PLBD1: variants seen among roughly 807,000 people sequenced by gnomAD.
The protein encoded by PLBD1 is phospholipase B domain containing 1, also known as lysosomal leucine aminopeptidase.
PLBD1 carries 60 observed loss-of-function variants against 63.0 expected under a neutral mutation model. The observed-to-expected ratio is 0.95, with a 90% CI of 0.77 to 1.18. PLBD1 has a LOEUF of 1.18. Among genes scored for constraint, PLBD1 ranks in the 50% most tolerant of loss-of-function variants. The pLI, the probability that PLBD1 is intolerant of heterozygous loss-of-function variation, is 0.00. For missense variants in PLBD1, 598 were observed against 677.9 expected, an observed-to-expected ratio of 0.88 and a Z score of 1.31; for synonymous variants, 262 against 248.0, an observed-to-expected ratio of 1.06 and a Z score of -0.53.
At chr12:14,527,542 G>GA (rs1007918011) in intron 6 of PLBD1, among the ~76,000 whole-genome samples, 4 of 151,334 alleles carry the variant, frequency 2.6e-5, no homozygotes, top group African/African-American at 4.9e-5. Context: ...TTTGTAAGGT[G>GA]AAAAAAAACA....
rs758039152 is a variant in PLBD1, at chr12:14,553,406, T to C, written c.122A>G (p.Tyr41Cys). The C allele has an allele frequency of 6.8e-6, 11 of 1,613,038 alleles. No individual in the cohort carries two copies. In the African/African-American group the frequency reaches 1.1e-4, roughly 16 times the overall value. ...AGGCATCCAGTATGCAGTTGCATAG[T>C]AGACTCCTAGAAGAAAAGGGAATAA... ...TAEPPKPAGV[Y>C]YATAYWMPAE... Residue 41 changes from tyrosine (Y) to cysteine (C), a missense_variant, in exon 2 of 11, where the codon TAC (tyrosine) becomes TGC (cysteine). Transcript: ENST00000240617.
At chr12:14,551,830 A>T (rs1426078444) in intron 2 of PLBD1, among the ~76,000 whole-genome samples, 1 of 152,188 alleles carries the variant, frequency 6.6e-6, no homozygotes. Flanking sequence ...CACAATCAGA[A>T]TTCAGTGCGA....
At chr12:14,558,029 A>G (rs1015990374) in intron 1 of PLBD1, among the ~76,000 whole-genome samples, 1 of 140,552 alleles carries the variant, frequency 7.1e-6, no homozygotes, top group African/African-American at 2.7e-5. Flanking sequence ...GTACATATAC[A>G]CAATGAAATA....
At chr12:14,540,373 A>G (rs76619553) in intron 4 of PLBD1, among the ~76,000 whole-genome samples, 27 of 151,932 alleles carry the variant, frequency 1.8e-4, no homozygotes, top group African/African-American at 6.0e-4. Context: ...GTTTGTGTGG[A>G]TATGTGTTTA....
intron 6 of PLBD1, among the ~76,000 whole-genome samples, chr12:14,525,366 A>G (rs1318492051): frequency 1.3e-5 from 2 of 152,142 alleles, no homozygotes; most frequent in Non-Finnish European, 2.9e-5. Flanking sequence ...CAGAGAGAAA[A>G]AGAAAACTAA....
intron 6 of PLBD1, among the ~76,000 whole-genome samples, chr12:14,512,363 G>C (rs1945305266): frequency 1.3e-5 from 2 of 151,856 alleles, no homozygotes; most frequent in African/African-American, 2.4e-5. Flanking sequence ...TGGCCAGGCT[G>C]GTCTCAAACT....
chr12:14,519,281 G>A (rs1204493611), intron 6 of PLBD1, among the ~76,000 whole-genome samples: 1 of 152,104 alleles, frequency 6.6e-6, no homozygotes, highest in Admixed American at 6.5e-5. Context: ...GGTCAACTGA[G>A]GTCATATGGG....
At chr12:14,523,615 T>C (rs1945394336) in intron 6 of PLBD1, among the ~76,000 whole-genome samples, 1 of 152,160 alleles carries the variant, frequency 6.6e-6, no homozygotes. Context: ...AGCATAGTAC[T>C]GGCATAAAAA....
intron 4 of PLBD1, among the ~76,000 whole-genome samples, chr12:14,538,524 G>A (rs1019000065): frequency 1.1e-4 from 17 of 152,160 alleles, no homozygotes; most frequent in East Asian, 5.8e-4. Flanking sequence ...GCATTCCAAC[G>A]TACGGATGTA....
chr12:14,527,882 G>A (rs1394382705), intron 6 of PLBD1, among the ~76,000 whole-genome samples: 1 of 151,734 alleles, frequency 6.6e-6, no homozygotes, highest in African/African-American at 2.4e-5. Context: ...AAGAAAGCTG[G>A]AGTGGTTATA....
intron 2 of PLBD1, among the ~76,000 whole-genome samples, chr12:14,551,334 G>C (rs1305456989): frequency 2.6e-5 from 4 of 152,168 alleles, no homozygotes; most frequent in African/African-American, 7.2e-5. Flanking sequence ...CTGCACTCCA[G>C]CCTGGGCAAC....
chr12:14,516,244 G>A (rs538366910), intron 6 of PLBD1, among the ~76,000 whole-genome samples: 4 of 152,276 alleles, frequency 2.6e-5, no homozygotes, highest in Non-Finnish European at 4.4e-5. Context: ...TAGGGGATTC[G>A]CTTGAACCCA....
intron 6 of PLBD1, among the ~76,000 whole-genome samples, chr12:14,528,316 T>G (rs762932328): frequency 6.6e-6 from 1 of 152,164 alleles, no homozygotes; most frequent in Non-Finnish European, 1.5e-5. Context: ...TTCATTGAGA[T>G]AGACTCATGC....
chr12:14,504,296 C>T (rs1024074644), intron 10 of PLBD1, among the ~76,000 whole-genome samples: 2 of 152,134 alleles, frequency 1.3e-5, no homozygotes, highest in Non-Finnish European at 2.9e-5. Flanking sequence ...GTGATCCGCC[C>T]GCCTCAGCCT....
intron 6 of PLBD1, among the ~76,000 whole-genome samples, chr12:14,513,439 T>C (rs11056005): frequency 0.57 from 87,190 of 151,996 alleles, 25,596 homozygotes; most frequent in Admixed American, 0.7. Flanking sequence ...AAAAAATGTT[T>C]GTCCACATAC....
chr12:14,522,303 T>C (rs895002928), intron 6 of PLBD1, among the ~76,000 whole-genome samples: 4 of 152,052 alleles, frequency 2.6e-5, no homozygotes, highest in Non-Finnish European at 4.4e-5. Context: ...TAACGAAAAT[T>C]GAATCATGAA....
At chr12:14,511,962 C>CA (rs1438282720) in intron 6 of PLBD1, among the ~76,000 whole-genome samples, 1 of 152,054 alleles carries the variant, frequency 6.6e-6, no homozygotes, top group African/African-American at 2.4e-5. Flanking sequence ...TTTGAAATAA[C>CA]AAAAATATGT....
chr12:14,553,776 G>A (rs1307543456), intron 1 of PLBD1: 1 of 306,178 alleles, frequency 3.3e-6, no homozygotes, highest in Non-Finnish European at 6.3e-6. Flanking sequence ...TCAGCTAGTT[G>A]TATACCCTTG....
rs562414802 is a variant in PLBD1 at position 14,511,438 on chromosome 12, T to A, written c.1046-38A>T. The A allele has an allele frequency of 5.6e-6, 9 of 1,613,708 alleles. No individual in the cohort carries two copies. The South Asian group carries it at 7.7e-5, about 14-fold the overall frequency. ...GAAACATGAAGACGGGGCATGGGTATGACTTTACTGGTTAACAAGCCTAAA... is the reference window on the plus strand; with the variant it reads ...GAAACATGAAGACGGGGCATGGGTAAGACTTTACTGGTTAACAAGCCTAAA... On this transcript the variant is annotated intron_variant, in intron 7 of 10. Coordinates refer to ENST00000240617, the MANE Select transcript of PLBD1 (RefSeq NM_024829.6).
Sources: allele counts gnomAD v4.1 joint callset (sites outside exome capture counted in the v4.1 genomes callset), GRCh38; gene constraint gnomAD v4.1.1; transcripts MANE v1.5; gene names NCBI Gene and HGNC (gene_info 2026-07-23, HGNC 2026-07-21).